SGCD: variants seen among roughly 807,000 people sequenced by gnomAD.
SGCD encodes delta-sarcoglycan.
SGCD carries 18 observed loss-of-function variants against 36.6 expected under a neutral mutation model. The observed-to-expected ratio is 0.49, with a 90% CI of 0.34 to 0.73. The LOEUF is 0.73. Among genes scored for constraint, SGCD ranks in the 30% least tolerant of loss-of-function variants. The pLI, the probability that SGCD is intolerant of heterozygous loss-of-function variation, is 0.01. For synonymous variants in SGCD, 133 were observed against 130.6 expected (o/e 1.02, Z -0.12); for missense variants, 387 against 346.7 (o/e 1.12, Z -0.92).
intron 6 of SGCD, among the ~76,000 whole-genome samples, chr5:156,629,188 T>C (rs907900350): frequency 1.3e-5 from 2 of 152,198 alleles, no homozygotes; most frequent in Admixed American, 6.5e-5. Context: ...GAATCTTGAA[T>C]GTTACCATTC....
At chr5:156,029,249 C>CA (rs549567359) in intron 1 of SGCD, among the ~76,000 whole-genome samples, 5 of 151,944 alleles carry the variant, frequency 3.3e-5, no homozygotes, top group African/African-American at 4.8e-5. Context: ...GACTAAGTAA[C>CA]AAAAAATGGA....
At chr5:156,709,907 G>T (rs553449233) in intron 7 of SGCD, among the ~76,000 whole-genome samples, 5 of 141,384 alleles carry the variant, frequency 3.5e-5, no homozygotes, top group Non-Finnish European at 7.6e-5. Context: ...AAAGCATACT[G>T]CATCTCTAAA....
intron 3 of SGCD, among the ~76,000 whole-genome samples, chr5:156,173,593 C>T (rs1406399853): frequency 6.6e-6 from 1 of 152,094 alleles, no homozygotes; most frequent in Admixed American, 6.5e-5. Context: ...TGTTTCAATA[C>T]ATAAGTTATC....
At chr5:155,830,694 A>G in the SGCD span, among the ~76,000 whole-genome samples, 4 of 152,238 alleles carry the variant, frequency 2.6e-5, no homozygotes, top group Admixed American at 6.5e-5. Flanking sequence ...GTAATACTTT[A>G]TAGTTTATTA....
intron 3 of SGCD, among the ~76,000 whole-genome samples, chr5:156,498,964 A>T (rs887152858): frequency 9.8e-6 from 1 of 102,298 alleles, no homozygotes; most frequent in Non-Finnish European, 2.1e-5. Context: ...GTGTGTGTGT[A>T]TGTGTATGTG....
At chr5:156,043,140 G>A (rs1759678816) in intron 1 of SGCD, among the ~76,000 whole-genome samples, 1 of 152,158 alleles carries the variant, frequency 6.6e-6, no homozygotes, top group Non-Finnish European at 1.5e-5. Context: ...TACAAAGGCA[G>A]TTTCATGACC....
At chr5:155,894,922 C>T (rs1031755659) in intron 1 of SGCD, among the ~76,000 whole-genome samples, 1 of 152,132 alleles carries the variant, frequency 6.6e-6, no homozygotes, top group Non-Finnish European at 1.5e-5. Flanking sequence ...CAAACCCCTG[C>T]CACCCCTGGT....
At chr5:156,383,225 C>T (rs1316768169) in intron 3 of SGCD, among the ~76,000 whole-genome samples, 5 of 152,034 alleles carry the variant, frequency 3.3e-5, no homozygotes, top group Non-Finnish European at 4.4e-5. Flanking sequence ...AGGTATTGGC[C>T]GGGTGTGGTA....
At chr5:155,946,252 A>C (rs1178640520) in intron 1 of SGCD, among the ~76,000 whole-genome samples, 1 of 152,186 alleles carries the variant, frequency 6.6e-6, no homozygotes, top group African/African-American at 2.4e-5. Flanking sequence ...ATTTTATTTC[A>C]TTTAATTATC....
At chr5:156,042,093 G>A (rs993787368) in intron 1 of SGCD, among the ~76,000 whole-genome samples, 89 of 152,078 alleles carry the variant, frequency 5.9e-4, no homozygotes, top group African/African-American at 1.9e-3. Context: ...AATGTGTTCC[G>A]TTCTTGTCTA....
At chr5:155,921,094 G>T (rs942927919) in intron 1 of SGCD, among the ~76,000 whole-genome samples, 2 of 152,100 alleles carry the variant, frequency 1.3e-5, no homozygotes, top group Non-Finnish European at 1.5e-5. Flanking sequence ...ATAAAAACAC[G>T]GTGTCTAAGG....
chr5:156,626,054 T>G (rs1762427483), intron 6 of SGCD, among the ~76,000 whole-genome samples: 1 of 150,688 alleles, frequency 6.6e-6, no homozygotes. Context: ...AGGTGGGGGG[T>G]TGCTACTGAC....
intron 1 of SGCD, among the ~76,000 whole-genome samples, chr5:156,046,998 G>T (rs536404099): frequency 1.3e-5 from 2 of 152,116 alleles, no homozygotes; most frequent in Admixed American, 6.6e-5. Flanking sequence ...AACAAAAAAA[G>T]AAAGTGAAAC....
chr5:156,692,571 A>G (rs2113709541), intron 7 of SGCD, among the ~76,000 whole-genome samples: 1 of 152,262 alleles, frequency 6.6e-6, no homozygotes, highest in Non-Finnish European at 1.5e-5. Flanking sequence ...ACAATTATCA[A>G]CTCACAGCCA....
At chr5:156,576,150 C>G (rs939406985) in intron 4 of SGCD, among the ~76,000 whole-genome samples, 5 of 151,932 alleles carry the variant, frequency 3.3e-5, no homozygotes, top group Non-Finnish European at 5.9e-5. Flanking sequence ...GTTCATTTCC[C>G]ACCTATGAGT....
chr5:156,302,793 A>G (rs144776790), intron 3 of SGCD, among the ~76,000 whole-genome samples: 1 of 152,210 alleles, frequency 6.6e-6, no homozygotes, highest in African/African-American at 2.4e-5. Context: ...CCAACTTGTT[A>G]TCTTCTCTTA....
the SGCD span, among the ~76,000 whole-genome samples, chr5:155,789,881 C>A: frequency 2.0e-5 from 3 of 152,004 alleles, no homozygotes; most frequent in Non-Finnish European, 4.4e-5. Context: ...GAAGCTAGGT[C>A]CCTTATTTTT....
At chr5:156,044,935 C>A (rs73812921) in intron 1 of SGCD, among the ~76,000 whole-genome samples, 186 of 152,154 alleles carry the variant, frequency 1.2e-3, no homozygotes, top group African/African-American at 4.3e-3. Context: ...CAGAATACCA[C>A]AGACTGGGTA....
rs139210889 is a variant in SGCD at position 156,159,352 on chromosome 5, A to T, written c.-44+35333A>T. Among the ~76,000 whole-genome samples the T allele has an allele frequency of 1.1e-3, 165 of 151,812 alleles. 4 individuals are homozygous for T. In the Middle Eastern group the frequency reaches 0.017, roughly 16 times the overall value. Reference sequence around the variant, plus strand: ...AATTGGAATAATTTAAACTTTAAAGACATGATTATTAATTTTAAATTATCT... The same window carrying T: ...AATTGGAATAATTTAAACTTTAAAGTCATGATTATTAATTTTAAATTATCT... On this transcript the variant is annotated intron_variant, in intron 3 of 9. Transcript: ENST00000517913.
Sources: allele counts gnomAD v4.1 joint callset (sites outside exome capture counted in the v4.1 genomes callset), GRCh38; gene constraint gnomAD v4.1.1; transcripts MANE v1.5; gene names NCBI Gene and HGNC (gene_info 2026-07-23, HGNC 2026-07-21).